DENND1A: variants seen among roughly 807,000 people sequenced by gnomAD.
DENND1A encodes the protein DENN domain-containing protein 1A.
Under a neutral mutation model 113.7 loss-of-function variants are expected in DENND1A, and 51 were observed. The observed-to-expected ratio is 0.45, with a 90% CI of 0.36 to 0.57. DENND1A has a LOEUF of 0.57. Ranked by LOEUF, DENND1A falls within the 20% of genes least tolerant of loss-of-function variation. DENND1A has a pLI of 0.00. For synonymous variants in DENND1A, 565 were observed against 570.8 expected, an observed-to-expected ratio of 0.99 and a Z score of 0.14; for missense variants, 1,258 against 1,395.9, an observed-to-expected ratio of 0.90 and a Z score of 1.57.
At chr9:123,555,266 C>T (rs150701616) in intron 13 of DENND1A, among the ~76,000 whole-genome samples, 44 of 152,326 alleles carry the variant, frequency 2.9e-4, no homozygotes, top group African/African-American at 8.9e-4. Context: ...CCTTTTAGTC[C>T]ATCACTGTAC....
chr9:123,630,466 C>T lies in DENND1A; in HGVS notation c.629G>A (p.Cys210Tyr). 1.9e-6 allele frequency: 3 copies of T among 1,585,304 alleles called. No homozygotes were observed. The highest frequency in any genetic ancestry group is 8.6e-7 in the Non-Finnish European group (1 of 1,164,380). ...GAGCATCGCCGCAGACCCGTGGATG[C>T]AGGCAGTCAGCTGGAACAGAGCAAA... ...ICSKLSTLTA[C>Y]IHGSAAMLYP... Residue 210 changes from cysteine to tyrosine, a missense_variant, in exon 10 of 24, where the codon TGC becomes TAC. Physicochemically the swap from Cys to Tyr is radical, Grantham distance 194. Transcript: ENST00000394215.
At chr9:123,476,143 G>A (rs1272355055) in intron 13 of DENND1A, among the ~76,000 whole-genome samples, 2 of 151,108 alleles carry the variant, frequency 1.3e-5, no homozygotes, top group African/African-American at 2.4e-5. Flanking sequence ...GAGATCGCAC[G>A]ATTGCACTAC....
At chr9:123,723,890 C>T (rs1013130506) in intron 5 of DENND1A, among the ~76,000 whole-genome samples, 3 of 152,206 alleles carry the variant, frequency 2.0e-5, no homozygotes, top group African/African-American at 7.2e-5. Context: ...CCTGCAAGGA[C>T]ATGTCATCTC....
chr9:123,582,285 C>T (rs868473881), intron 12 of DENND1A, among the ~76,000 whole-genome samples: 23 of 152,170 alleles, frequency 1.5e-4, no homozygotes, highest in African/African-American at 5.6e-4. Context: ...GGAGAGCTGG[C>T]GAGACTCTCA....
In DENND1A at chr9:123,643,313, C is replaced by T. The variant is rs558389969; in HGVS notation, c.618+8700G>A. On this transcript the variant is annotated intron_variant, in intron 9 of 23. Coordinates refer to ENST00000394215, the MANE Select transcript of DENND1A (RefSeq NM_001352964.2). The stretch of plus-strand genomic sequence containing the variant: ...CCATCAGAAAAGTAATAATGGTTTT[C>T]GGTTATGGGTGTAGAGGCTAATTAG... Among the ~76,000 whole-genome samples the T allele has an allele frequency of 3.3e-5, 5 of 152,266 alleles. No homozygotes were observed. The South Asian group carries it at 8.3e-4, about 25-fold the overall frequency.
chr9:123,922,707 C>T (rs960295130), intron 1 of DENND1A, among the ~76,000 whole-genome samples: 10 of 152,182 alleles, frequency 6.6e-5, no homozygotes, highest in African/African-American at 2.4e-4. Context: ...TTTATCTCCC[C>T]ATGACTTTTG....
At position 123,546,032 on chromosome 9, in the gene DENND1A, C is replaced by G. The variant is rs554959671; in HGVS notation, c.993+11538G>C. Among the ~76,000 whole-genome samples, 130 of 152,280 alleles carry G rather than the reference C, an allele frequency of 8.5e-4. 1 individual carries two copies. Among genetic ancestry groups the G allele is most frequent in the African/African-American group, 3.1e-3 (128 of 41,518 alleles). ...ACTGCCGTGGTGGCTTCAGCTTAAT[C>G]CATGACTATAGTCCTCTCTTGTGTA... On this transcript the variant is annotated intron_variant, in intron 13 of 23. Transcript: ENST00000394215.
intron 2 of DENND1A, among the ~76,000 whole-genome samples, chr9:123,826,894 A>G (rs936725323): frequency 2.0e-5 from 3 of 152,258 alleles, no homozygotes; most frequent in Non-Finnish European, 2.9e-5. Flanking sequence ...ACGAGGAAAT[A>G]CAAAGTATGA....
intron 13 of DENND1A, among the ~76,000 whole-genome samples, chr9:123,496,194 A>G (rs1329373005): frequency 6.6e-6 from 1 of 152,250 alleles, no homozygotes; most frequent in African/African-American, 2.4e-5. Flanking sequence ...AGGGATGTCA[A>G]AGTAAATGCT....
chr9:123,902,188 C>CACACAA (rs1564473160), intron 1 of DENND1A, among the ~76,000 whole-genome samples: 1 of 151,162 alleles, frequency 6.6e-6, no homozygotes, highest in African/African-American at 2.4e-5. Flanking sequence ...CACACACACA[C>CACACAA]ACACACACAC....
chr9:123,554,100 T>C (rs911316631), intron 13 of DENND1A, among the ~76,000 whole-genome samples: 14 of 152,200 alleles, frequency 9.2e-5, no homozygotes, highest in Admixed American at 3.9e-4. Context: ...CAAGTGGCCT[T>C]GGGGAGGGCC....
At chr9:123,450,034 A>AT (rs958371001) in intron 18 of DENND1A, among the ~76,000 whole-genome samples, 1 of 136,652 alleles carries the variant, frequency 7.3e-6, no homozygotes, top group Admixed American at 7.3e-5. Context: ...AAGAAGTCAG[A>AT]TAAAAAAAGA....
At chr9:123,553,341 T>A (rs993265859) in intron 13 of DENND1A, among the ~76,000 whole-genome samples, 1 of 151,244 alleles carries the variant, frequency 6.6e-6, no homozygotes, top group Non-Finnish European at 1.5e-5. Context: ...TGATTTCAGA[T>A]CACAGGAACT....
At chr9:123,389,867 G>T (rs186634811) in intron 21 of DENND1A, among the ~76,000 whole-genome samples, 1 of 152,340 alleles carries the variant, frequency 6.6e-6, no homozygotes, top group East Asian at 1.9e-4. Context: ...CTCGTGGGAT[G>T]CACTGCTGAG....
intron 10 of DENND1A, among the ~76,000 whole-genome samples, chr9:123,626,870 C>A (rs2061245260): frequency 6.6e-6 from 1 of 152,164 alleles, no homozygotes; most frequent in African/African-American, 2.4e-5. Context: ...AGAGAACCCT[C>A]AGGAGACAGC....
intron 13 of DENND1A, among the ~76,000 whole-genome samples, chr9:123,493,552 C>T (rs990147659): frequency 2.6e-5 from 4 of 152,176 alleles, no homozygotes; most frequent in Non-Finnish European, 4.4e-5. Context: ...AGATGTCAGA[C>T]ACTCCTTCAT....
chr9:123,685,999 A>G (rs185818083), intron 5 of DENND1A, among the ~76,000 whole-genome samples: 29 of 82,226 alleles, frequency 3.5e-4, no homozygotes, highest in Non-Finnish European at 7.3e-4. Context: ...CTCTACTAGA[A>G]AAAAAAAAAA....
intron 9 of DENND1A, among the ~76,000 whole-genome samples, chr9:123,651,154 T>C (rs1329820491): frequency 6.6e-6 from 1 of 151,838 alleles, no homozygotes; most frequent in Non-Finnish European, 1.5e-5. Context: ...TATAAAAATA[T>C]TTATATTATA....
At chr9:123,411,089 G>GTT (rs764001499) in intron 20 of DENND1A, among the ~76,000 whole-genome samples, 6 of 141,130 alleles carry the variant, frequency 4.3e-5, no homozygotes, top group Non-Finnish European at 4.7e-5. Flanking sequence ...TCCTTACTTG[G>GTT]TTTTTTTTTT....
Sources: gnomAD v4.1 joint callset for allele counts (sites outside exome capture counted in the v4.1 genomes callset) on GRCh38, gnomAD v4.1.1 for gene constraint, MANE v1.5 for transcripts, NCBI Gene and HGNC (gene_info 2026-07-23, HGNC 2026-07-21) for gene names.